The following RGS7 variants were observed in gnomAD, a reference collection of about 807,000 sequenced individuals.
RGS7 encodes regulator of G-protein signaling 7.
A neutral mutation model predicts 81.1 loss-of-function variants in RGS7; 27 were observed. The ratio of observed to expected loss-of-function variants is 0.33; its 90% confidence interval spans 0.25 to 0.46. The LOEUF (loss-of-function observed/expected upper bound fraction) is 0.46, where lower values mean the gene tolerates loss of function less well. RGS7 is among the 20% of genes least tolerant of loss of function. The pLI, the probability that RGS7 is intolerant of heterozygous loss-of-function variation, is 1.00. For missense variants in RGS7, 396 were observed against 607.4 expected (o/e 0.65, Z 3.66); for synonymous variants, 208 against 207.7 (o/e 1.00, Z -0.01).
chr1:240,964,604 T>C (rs1276253095), intron 4 of RGS7, among the ~76,000 whole-genome samples: 2 of 152,204 alleles, frequency 1.3e-5, no homozygotes, highest in Non-Finnish European at 2.9e-5. Flanking sequence ...GGGGCAGTGA[T>C]GTGTTTATTA....
intron 6 of RGS7, among the ~76,000 whole-genome samples, chr1:240,892,913 G>A (rs1325742210): frequency 1.3e-5 from 2 of 151,964 alleles, no homozygotes; most frequent in African/African-American, 2.4e-5. Context: ...ATCAATCTGA[G>A]TATAGATACT....
At chr1:241,146,150 G>A (rs903031127) in intron 2 of RGS7, among the ~76,000 whole-genome samples, 3 of 152,020 alleles carry the variant, frequency 2.0e-5, no homozygotes, top group Non-Finnish European at 4.4e-5. Context: ...TGGCATCCAT[G>A]CATCCACGGA....
chr1:240,887,508 G>A (rs552154289), intron 6 of RGS7, among the ~76,000 whole-genome samples: 11 of 152,104 alleles, frequency 7.2e-5, no homozygotes, highest in African/African-American at 1.9e-4. Context: ...GATTACAGGC[G>A]TGAGAGTATA....
chr1:241,273,576 A>T (rs1382689855), intron 2 of RGS7, among the ~76,000 whole-genome samples: 2 of 152,084 alleles, frequency 1.3e-5, no homozygotes, highest in Non-Finnish European at 2.9e-5. Flanking sequence ...TCTTAGCATT[A>T]CTGTCTGACT....
intron 2 of RGS7, among the ~76,000 whole-genome samples, chr1:241,306,321 C>G (rs767723580): frequency 6.7e-5 from 10 of 149,902 alleles, no homozygotes; most frequent in Non-Finnish European, 3.0e-5. Flanking sequence ...ATACCCATGT[C>G]CACACCCTTA....
chr1:240,832,651 C>T (rs1289097788), intron 9 of RGS7, among the ~76,000 whole-genome samples: 4 of 152,270 alleles, frequency 2.6e-5, no homozygotes, highest in Middle Eastern at 3.4e-3. Context: ...CAAGACAACT[C>T]GGCAAAGCCT....
At chr1:241,318,807 T>C (rs1342330632) in intron 2 of RGS7, among the ~76,000 whole-genome samples, 3 of 152,192 alleles carry the variant, frequency 2.0e-5, no homozygotes, top group African/African-American at 7.2e-5. Context: ...AGAGCTATTG[T>C]TTTATAAGCA....
chr1:241,082,885 C>G (rs2063215079), intron 3 of RGS7, among the ~76,000 whole-genome samples: 1 of 152,100 alleles, frequency 6.6e-6, no homozygotes, highest in South Asian at 2.1e-4. Context: ...TCTACAAATA[C>G]AATGAGAACT....
At chr1:241,328,779 C>T (rs1332103338) in intron 2 of RGS7, among the ~76,000 whole-genome samples, 2 of 152,148 alleles carry the variant, frequency 1.3e-5, no homozygotes, top group African/African-American at 2.4e-5. Flanking sequence ...TCTATAGAAA[C>T]ATGTCAGAAA....
At chr1:240,805,355 C>CAG (rs1188291724) in intron 15 of RGS7, among the ~76,000 whole-genome samples, 1 of 151,316 alleles carries the variant, frequency 6.6e-6, no homozygotes, top group Admixed American at 6.6e-5. Flanking sequence ...CTGTAGGTAA[C>CAG]AGAGAGAGAA....
intron 4 of RGS7, among the ~76,000 whole-genome samples, chr1:240,937,585 A>G (rs534999855): frequency 1.3e-5 from 2 of 152,332 alleles, no homozygotes; most frequent in East Asian, 3.9e-4. Context: ...CCCTCATTTT[A>G]TAGATGTGTG....
At position 241,147,780 on chromosome 1, in the gene RGS7, T is replaced by TTTTATATATATATATA. The variant is rs1428939736; in HGVS notation, c.79-49019_79-49018insTATATATATATATAAA. Among the ~76,000 whole-genome samples the TTTTATATATATATATA allele has an allele frequency of 9.2e-3, 410 of 44,632 alleles. 41 individuals are homozygous for TTTTATATATATATATA. The highest frequency in any genetic ancestry group is 0.014 in the Non-Finnish European group (318 of 22,028). 29.3% of individuals were successfully genotyped at this position (44,632 alleles called of 152,430 possible). On this transcript the variant is annotated intron_variant, in intron 2 of 18. Coordinates refer to ENST00000440928, the MANE Select transcript of RGS7 (RefSeq NM_001364886.1). ...TTAAATATCCCATCTAGATTAAGTT[T>TTTTATATATATATATA]TATATATATATATATATATATATAT...
intron 3 of RGS7, among the ~76,000 whole-genome samples, chr1:241,088,759 A>C (rs1456184219): frequency 6.6e-6 from 1 of 151,992 alleles, no homozygotes; most frequent in Non-Finnish European, 1.5e-5. Flanking sequence ...AAGAGAGAAC[A>C]GGAGCACTTT....
intron 2 of RGS7, among the ~76,000 whole-genome samples, chr1:241,179,817 A>C (rs1281123023): frequency 6.6e-6 from 1 of 152,058 alleles, no homozygotes; most frequent in Non-Finnish European, 1.5e-5. Context: ...TTTTAGTTTT[A>C]GTGATAGGGT....
intron 9 of RGS7, among the ~76,000 whole-genome samples, chr1:240,843,566 T>C (rs1658517059): frequency 6.6e-6 from 1 of 152,204 alleles, no homozygotes; most frequent in Non-Finnish European, 1.5e-5. Flanking sequence ...ATGCCCGGCC[T>C]GACACATATC....
At chr1:240,962,472 T>C (rs2148479295) in intron 4 of RGS7, among the ~76,000 whole-genome samples, 1 of 152,320 alleles carries the variant, frequency 6.6e-6, no homozygotes, top group Non-Finnish European at 1.5e-5. Context: ...TTACCAAATG[T>C]GTACCTCAGT....
intron 3 of RGS7, among the ~76,000 whole-genome samples, chr1:241,091,608 G>A (rs892573882): frequency 1.6e-4 from 24 of 151,422 alleles, no homozygotes; most frequent in African/African-American, 4.6e-4. Flanking sequence ...AAAGCTGGCC[G>A]GATGCAATGG....
At chr1:241,315,415 T>C (rs571364287) in intron 2 of RGS7, among the ~76,000 whole-genome samples, 9 of 152,206 alleles carry the variant, frequency 5.9e-5, no homozygotes, top group Middle Eastern at 3.4e-3. Context: ...AGGGGGAAAA[T>C]ACATTTAAAA....
chr1:240,894,803 C>T (rs954564295), intron 6 of RGS7, among the ~76,000 whole-genome samples: 5 of 151,874 alleles, frequency 3.3e-5, no homozygotes, highest in Non-Finnish European at 7.4e-5. Context: ...TTCTCATTTT[C>T]GTTGCTAGCT....
Sources: gnomAD v4.1 joint callset for allele counts (sites outside exome capture counted in the v4.1 genomes callset) on GRCh38, gnomAD v4.1.1 for gene constraint, MANE v1.5 for transcripts, NCBI Gene and HGNC (gene_info 2026-07-23, HGNC 2026-07-21) for gene names.